The following MRPL12 variants were observed in gnomAD, a reference collection of about 807,000 sequenced individuals.
The protein encoded by MRPL12 is large ribosomal subunit protein bL12m.
In MRPL12, 13 loss-of-function variants were observed where a neutral mutation model predicts 21.1. That is an observed-to-expected ratio of 0.62 (90% CI 0.40 to 0.98). MRPL12 has a LOEUF of 0.98. Ranked by LOEUF, MRPL12 falls within the 50% of genes least tolerant of loss-of-function variation. The pLI, the probability that MRPL12 is intolerant of heterozygous loss-of-function variation, is 0.00. For synonymous variants in MRPL12, 126 were observed against 115.3 expected (o/e 1.09, Z -0.60); for missense variants, 251 against 268.6 (o/e 0.93, Z 0.46).
chr17:81,706,785 C>T, intron 3 of MRPL12, 121 bp from the exon 4 acceptor site: 1 of 1,223,656 alleles, frequency 8.2e-7, no homozygotes, highest in Non-Finnish European at 1.1e-6. Context: ...CAACTCCAGG[C>T]TTCGCTGGGG....
chr17:81,706,956 C>T lies in MRPL12; in HGVS notation c.396C>T (p.Val132=), dbSNP rs538225926. The T allele has an allele frequency of 1.9e-6, 3 of 1,614,102 alleles. No individual in the cohort carries two copies. Among genetic ancestry groups the T allele is most frequent in the African/African-American group, 2.7e-5 (2 of 75,070 alleles). The part of the protein sequence containing the change: ...PIAKERTHFT[V]RLTEAKPVDK... ...CGAAAGAACGGACACATTTCACCGT[C>T]CGCCTGACCGAGGCGAAGCCCGTGG... Residue 132 remains valine (V), a synonymous_variant, in exon 4 of 5, where the codon GTC becomes GTT. Coordinates refer to ENST00000333676, the MANE Select transcript of MRPL12 (RefSeq NM_002949.4).
In MRPL12 at chr17:81,703,554, C is replaced by T. The variant is rs1465304764; in HGVS notation, c.53C>T (p.Ala18Val). Residue 18 changes from alanine (A) to valine (V), a missense_variant, in exon 1 of 5, where the codon GCC (alanine) becomes GTC (valine). By Grantham distance (64) the Ala-to-Val change is moderately conservative. Transcript: ENST00000333676. ...TGGGGGCCTTGCCTTGGGCTTCGGG[C>T]CGCTGCGTTCCGCCTTGCCAGGTAC... ...PLWGPCLGLR[A>V]AAFRLARRQV... The T allele has an allele frequency of 1.4e-5, 21 of 1,458,436 alleles. No homozygotes were observed. The highest frequency in any genetic ancestry group is 1.6e-5 in the Non-Finnish European group (18 of 1,111,168). The allele number at this position is 1,458,436 out of a possible 1,614,324, so 90.3% of individuals were successfully genotyped here. A position where few individuals can be genotyped will look rare whatever the true frequency, so the allele number is the denominator to read the frequency against.
chr17:81,705,410 A>G (rs2037304365), intron 3 of MRPL12, among the ~76,000 whole-genome samples: 1 of 148,922 alleles, frequency 6.7e-6, no homozygotes, highest in Non-Finnish European at 1.5e-5. Flanking sequence ...AAAAAAAAAA[A>G]AGAGGAAAAA....
chr17:81,706,850 C>T (rs1425636771), intron 3 of MRPL12, 56 bp from the exon 4 acceptor site: 22 of 1,591,828 alleles, frequency 1.4e-5, no homozygotes, highest in African/African-American at 4.0e-5. Context: ...GCAGTGGAGG[C>T]GTTAGCTCCC....
At position 81,704,484 on chromosome 17, in the gene MRPL12, G is replaced by A. The variant is rs549948899; in HGVS notation, c.261+54G>A. On this transcript the variant is annotated intron_variant, in intron 2 of 4. Transcript: ENST00000333676. ...GGGCTGGAAGTTTCAGGGCCCCTGT[G>A]TTTTGTTCCTGGTGTATTTTGGGAG... The A allele has an allele frequency of 2.0e-4, 316 of 1,589,980 alleles. No homozygotes were observed. The African/African-American group carries it at 3.8e-3, about 19-fold the overall frequency.
chr17:81,705,661 G>A (rs1360466210), intron 3 of MRPL12, among the ~76,000 whole-genome samples: 1 of 152,244 alleles, frequency 6.6e-6, no homozygotes. Flanking sequence ...GCGAAGGGGT[G>A]TAACAAGCAG....
intron 1 of MRPL12, 111 bp from the exon 2 acceptor site, chr17:81,704,133 A>G: frequency 8.8e-7 from 1 of 1,133,714 alleles, no homozygotes; most frequent in South Asian, 1.6e-5. Flanking sequence ...AGTGATTACC[A>G]GCCTGAGCTT....
At position 81,707,049 on chromosome 17, in the gene MRPL12, C is replaced by T. The variant is rs1316540183; in HGVS notation, c.480+9C>T. 1.5e-5 allele frequency: 24 copies of T among 1,613,946 alleles called. No homozygotes were observed. The highest frequency in any genetic ancestry group is 1.7e-5 in the Admixed American group (1 of 60,010). ...GCATCAACCTCGTCCAGGTCTGTGC[C>T]GCGGTGGGGGTTCCGAGGCAGGTTC... On this transcript the variant is annotated intron_variant, in intron 4 of 4. Coordinates refer to ENST00000333676, the MANE Select transcript of MRPL12 (RefSeq NM_002949.4).
At chr17:81,704,564 G>C (rs2037293004) in intron 2 of MRPL12, 69 bp from the exon 3 acceptor site, 1 of 1,585,084 alleles carries the variant, frequency 6.3e-7, no homozygotes, top group African/African-American at 1.3e-5. Context: ...TGCCAGGCTA[G>C]TTGCCCCTCC....
Position 81,707,464 on chromosome 17 carries a change from C to G in MRPL12, c.*224C>G. 1.9e-6 allele frequency: 1 copy of G among 539,656 alleles called. No homozygotes were observed. The highest frequency in any genetic ancestry group is 2.2e-5 in the South Asian group (1 of 44,760). The allele number at this position is 539,656 out of a possible 1,614,324, so 33.4% of individuals were successfully genotyped here. A position where few individuals can be genotyped will look rare whatever the true frequency, so the allele number is the denominator to read the frequency against. On this transcript the variant is annotated 3_prime_UTR_variant, in exon 5 of 5. Coordinates refer to ENST00000333676, the MANE Select transcript of MRPL12 (RefSeq NM_002949.4). ...GCACCCGGAGGCCCACCAGGACGCG[C>G]CACCGGTGAATGTGCCTCTGGTGGC...
intron 3 of MRPL12, among the ~76,000 whole-genome samples, chr17:81,705,735 C>T (rs867797159): frequency 2.0e-5 from 3 of 152,338 alleles, no homozygotes; most frequent in South Asian, 2.1e-4. Context: ...GTTTGGTCAT[C>T]GGGTTGCGTG....
intron 3 of MRPL12, among the ~76,000 whole-genome samples, chr17:81,705,704 G>A (rs1039120363): frequency 1.3e-5 from 2 of 152,204 alleles, no homozygotes; most frequent in African/African-American, 4.8e-5. Context: ...GGAAACCAGT[G>A]AACTTGAAGC....
rs1470218102 is a variant in MRPL12 at position 81,707,104 on chromosome 17, G to A, written c.481-20G>A. On this transcript the variant is annotated intron_variant, in intron 4 of 4. Coordinates refer to ENST00000333676, the MANE Select transcript of MRPL12 (RefSeq NM_002949.4). ...GTGGTGGCCAGGGCCCCCAGTCCCT[G>A]ACTTTGCTCTCTCTGGCAGGCAAAG... 1.9e-6 allele frequency: 3 copies of A among 1,613,900 alleles called. No individual in the cohort carries two copies. The highest frequency in any genetic ancestry group is 2.2e-5 in the South Asian group (2 of 91,068).
chr17:81,707,160 A>C lies in MRPL12; in HGVS notation c.517A>C (p.Lys173Gln). 1 of 1,614,042 alleles carries C rather than the reference A, an allele frequency of 6.2e-7. No homozygotes were observed. The highest frequency in any genetic ancestry group is 8.5e-7 in the Non-Finnish European group (1 of 1,179,974). Residue 173 changes from lysine (K) to glutamine (Q), a missense_variant, in exon 5 of 5, where the codon AAA becomes CAA. Lys to Gln is a moderately conservative substitution (Grantham distance 53). Coordinates refer to ENST00000333676, the MANE Select transcript of MRPL12 (RefSeq NM_002949.4). Reference protein sequence around the residue: ...KLVESLPQEIKANVAKAEAEK... With the variant: ...KLVESLPQEIQANVAKAEAEK... ...GGTGGAGTCCCTGCCCCAGGAAATC[A>C]AAGCCAATGTCGCCAAAGCTGAGGC...
rs900986400 is a variant in MRPL12, at chr17:81,705,474, G to C, written c.345+758G>C. Among the ~76,000 whole-genome samples the C allele has an allele frequency of 1.4e-4, 21 of 152,094 alleles. 1 individual carries two copies. Among genetic ancestry groups the C allele is most frequent in the Admixed American group, 6.6e-4 (10 of 15,260 alleles). The stretch of plus-strand genomic sequence containing the variant: ...ATTGTAAGCATTGTGGGGAAAAGGA[G>C]GGAAGAGGCTCAAGGTGGGAGGGAG... On this transcript the variant is annotated intron_variant, in intron 3 of 4. Coordinates refer to ENST00000333676, the MANE Select transcript of MRPL12 (RefSeq NM_002949.4).
In MRPL12 at chr17:81,707,356, A is replaced by G; in HGVS notation, c.*116A>G. 2 of 1,012,796 alleles carry G rather than the reference A, an allele frequency of 2.0e-6. No individual in the cohort carries two copies. Among genetic ancestry groups the G allele is most frequent in the South Asian group, 3.1e-5 (2 of 63,834 alleles). The allele number at this position is 1,012,796 out of a possible 1,614,324, so 62.7% of individuals were successfully genotyped here. On this transcript the variant is annotated 3_prime_UTR_variant, in exon 5 of 5. Coordinates refer to ENST00000333676, the MANE Select transcript of MRPL12 (RefSeq NM_002949.4). ...GCGCCCAGTGGAGCCGTTTGGGAGA[A>G]TTGCCTGCGCCACGCAGCGGGGCCG...
chr17:81,703,666 G>A lies in MRPL12; in HGVS notation c.74+91G>A, dbSNP rs183772116. On this transcript the variant is annotated intron_variant, in intron 1 of 4. Coordinates refer to ENST00000333676, the MANE Select transcript of MRPL12 (RefSeq NM_002949.4). ...TCGATCCGGGCGAGGAGGGCGGCGG[G>A]GCCGGCCTCCCTGCAGCGGCCAGGC... The A allele has an allele frequency of 4.2e-3, 4,901 of 1,176,742 alleles. 171 individuals carry two copies. The African/African-American group carries it at 0.068, about 16-fold the overall frequency. The allele number at this position is 1,176,742 out of a possible 1,614,324, so 72.9% of individuals were successfully genotyped here.
At chr17:81,706,201 A>G (rs924053864) in intron 3 of MRPL12, among the ~76,000 whole-genome samples, 3 of 152,180 alleles carry the variant, frequency 2.0e-5, no homozygotes, top group African/African-American at 7.2e-5. Context: ...CCTGTCTCAT[A>G]AGTTACGCTT....
chr17:81,707,381 G>A lies in MRPL12; in HGVS notation c.*141G>A, dbSNP rs929161752. On this transcript the variant is annotated 3_prime_UTR_variant, in exon 5 of 5. Coordinates refer to ENST00000333676, the MANE Select transcript of MRPL12 (RefSeq NM_002949.4). Reference sequence around the variant, plus strand: ...ATTGCCTGCGCCACGCAGCGGGGCCGGACAGGCCGCACAGACCTACTGTGG... The same window carrying A: ...ATTGCCTGCGCCACGCAGCGGGGCCAGACAGGCCGCACAGACCTACTGTGG... The A allele has an allele frequency of 4.7e-5, 39 of 830,090 alleles. No homozygotes were observed. Among genetic ancestry groups the A allele is most frequent in the Middle Eastern group, 7.4e-4 (2 of 2,698 alleles). 51.4% of individuals were successfully genotyped at this position (830,090 alleles called of 1,614,324 possible). A position where few individuals can be genotyped will look rare whatever the true frequency, so the allele number is the denominator to read the frequency against.
Sources: gnomAD v4.1 joint callset for allele counts (sites outside exome capture counted in the v4.1 genomes callset) on GRCh38, gnomAD v4.1.1 for gene constraint, MANE v1.5 for transcripts, NCBI Gene and HGNC (gene_info 2026-07-23, HGNC 2026-07-21) for gene names.